USP39: variants seen among roughly 807,000 people sequenced by gnomAD.
USP39 encodes the protein ubiquitin carboxyl-terminal hydrolase 39.
USP39 carries 38 observed loss-of-function variants against 66.4 expected under a neutral mutation model. The ratio of observed to expected loss-of-function variants is 0.57; its 90% CI spans 0.44 to 0.75. The LOEUF (loss-of-function observed/expected upper bound fraction) is 0.75. Among genes scored for constraint, USP39 ranks in the 30% least tolerant of loss-of-function variants. The pLI is 0.00. For synonymous variants in USP39, 303 were observed against 274.6 expected (o/e 1.10, Z -1.02); for missense variants, 608 against 714.4 (o/e 0.85, Z 1.70).
At chr2:85,643,648 CTTT>C (rs34391423) in intron 10 of USP39, among the ~76,000 whole-genome samples, 76 of 139,374 alleles carry the variant, frequency 5.5e-4, no homozygotes, top group African/African-American at 7.8e-4. Flanking sequence ...CTCATATCTC[CTTT>C]TTTTTTTTTT....
intron 1 of USP39, among the ~76,000 whole-genome samples, chr2:85,617,260 C>T (rs1363762959): frequency 2.0e-5 from 3 of 152,100 alleles, no homozygotes; most frequent in Admixed American, 1.3e-4. Flanking sequence ...GGCTTTCCTT[C>T]AGTTTTTACA....
chr2:85,645,187 C>G, intron 11 of USP39, 104 bp downstream of exon 11: 1 of 1,495,626 alleles, frequency 6.7e-7, no homozygotes, highest in Admixed American at 2.0e-5. Context: ...TTGGCCTTGG[C>G]TTTGGGACTC....
intron 6 of USP39, among the ~76,000 whole-genome samples, chr2:85,632,221 G>A (rs1206923995): frequency 6.6e-6 from 1 of 152,108 alleles, no homozygotes; most frequent in African/African-American, 2.4e-5. Context: ...TAAGAAACAC[G>A]ATTTTTCTCT....
At chr2:85,613,577 G>T (rs1463428450), upstream of USP39, among the ~76,000 whole-genome samples, 2 of 152,210 alleles carry the variant, frequency 1.3e-5, no homozygotes, top group Non-Finnish European at 2.9e-5. Context: ...TCCAAAGGAA[G>T]ATCTGTAGCT....
At chr2:85,647,881 C>G (rs753437890) in intron 11 of USP39, 49 bp from the exon 12 acceptor site, 5 of 1,576,762 alleles carry the variant, frequency 3.2e-6, no homozygotes, top group Non-Finnish European at 3.5e-6. Context: ...CTTCTACACC[C>G]TTTTGGTTTT....
chr2:85,625,416 A>C, intron 4 of USP39, 123 bp from the exon 5 acceptor site: 1 of 1,300,158 alleles, frequency 7.7e-7, no homozygotes, highest in East Asian at 2.5e-5. Context: ...GGTTCGGACT[A>C]TTTTTCTGTG....
upstream of USP39, chr2:85,611,717 C>G: frequency 6.3e-7 from 1 of 1,598,792 alleles, no homozygotes; most frequent in Non-Finnish European, 8.5e-7. Flanking sequence ...GGGGCCGCGT[C>G]GGCGCGGGCG....
At chr2:85,628,080 G>A (rs1675007878) in intron 5 of USP39, among the ~76,000 whole-genome samples, 1 of 151,982 alleles carries the variant, frequency 6.6e-6, no homozygotes, top group African/African-American at 2.4e-5. Flanking sequence ...TCTCTGGAAA[G>A]GTCAAATTCT....
chr2:85,621,822 C>A (rs1307994506), intron 3 of USP39, among the ~76,000 whole-genome samples: 1 of 151,850 alleles, frequency 6.6e-6, no homozygotes, highest in Non-Finnish European at 1.5e-5. Flanking sequence ...GTTCTCGAAT[C>A]TCTAATATAT....
At chr2:85,632,739 C>T (rs1387668555) in intron 6 of USP39, among the ~76,000 whole-genome samples, 12 of 151,964 alleles carry the variant, frequency 7.9e-5, no homozygotes, top group East Asian at 1.9e-4. Flanking sequence ...TGAGCCACCA[C>T]GCCCGGCTCA....
intron 5 of USP39, among the ~76,000 whole-genome samples, chr2:85,628,397 G>A (rs1313212966): frequency 6.6e-6 from 1 of 151,952 alleles, no homozygotes; most frequent in Non-Finnish European, 1.5e-5. Flanking sequence ...TGCTCGCCTC[G>A]GCCTCCCAAA....
At chr2:85,630,059 C>T (rs1675203596) in intron 5 of USP39, among the ~76,000 whole-genome samples, 1 of 152,030 alleles carries the variant, frequency 6.6e-6, no homozygotes, top group African/African-American at 2.4e-5. Flanking sequence ...ATTTTGGTCA[C>T]CCATCACCCA....
upstream of USP39, among the ~76,000 whole-genome samples, chr2:85,612,993 C>T (rs1673670657): frequency 6.7e-6 from 1 of 149,824 alleles, no homozygotes; most frequent in South Asian, 2.1e-4. Flanking sequence ...TTTCTGACCA[C>T]TGGGTTCACG....
rs544121483 is a variant in USP39 at position 85,619,395 on chromosome 2, G to GTCTCTAGCACA, written c.338+106_338+107insTCTCTAGCACA. 1,321 of 1,181,664 alleles carry GTCTCTAGCACA rather than the reference G, an allele frequency of 1.1e-3. 22 individuals carry two copies. In the East Asian group the frequency reaches 0.03, roughly 27 times the overall value. The allele number at this position is 1,181,664 out of a possible 1,614,324, so 73.2% of individuals were successfully genotyped here. ...CACATTGACAAACTTTACTTTTTTT[G>GTCTCTAGCACA]AACCTGTCTAGAGAGTTGTGCTTCT... On this transcript the variant is annotated intron_variant, in intron 2 of 12. Transcript: ENST00000323701.
rs541428335 is a variant in USP39 at position 85,639,301 on chromosome 2, C to A, written c.1194C>A (p.Ala398=). Residue 398 remains alanine (A), a synonymous_variant, in exon 9 of 13, where the codon GCC becomes GCA. Coordinates refer to ENST00000323701, the MANE Select transcript of USP39 (RefSeq NM_006590.4). ...ACCTGACGCTGGACCTTCCTACTGC[C>A]CCCCTCTACAAGGACGAGAAGGAGC... The part of the protein sequence containing the change: ...FMYLTLDLPT[A]PLYKDEKEQL... 2 of 1,614,062 alleles carry A rather than the reference C, an allele frequency of 1.2e-6. No homozygotes were observed. Among genetic ancestry groups the A allele is most frequent in the East Asian group, 4.5e-5 (2 of 44,876 alleles).
At chr2:85,616,183 G>A (rs774061512), upstream of USP39, 2 of 1,426,468 alleles carry the variant, frequency 1.4e-6, no homozygotes, top group South Asian at 1.6e-5. Flanking sequence ...GGACGACTCG[G>A]CCGGTAGTGG....
At chr2:85,636,195 C>G in intron 7 of USP39, 65 bp downstream of exon 7, 1 of 1,482,024 alleles carries the variant, frequency 6.7e-7, no homozygotes, top group Non-Finnish European at 9.4e-7. Flanking sequence ...CGGTCGGTCG[C>G]AATGGCTCAT....
At chr2:85,637,253 C>G (rs150630350) in intron 7 of USP39, 116 bp from the exon 8 acceptor site, 80 of 1,048,104 alleles carry the variant, frequency 7.6e-5, no homozygotes, top group Non-Finnish European at 2.6e-5. Flanking sequence ...TTAGTGAGAG[C>G]TCTGTGTCTT....
intron 12 of USP39, 70 bp from the exon 13 acceptor site, chr2:85,648,691 A>G (rs558480448): frequency 2.9e-5 from 45 of 1,552,876 alleles, no homozygotes; most frequent in Non-Finnish European, 3.9e-5. Context: ...CTGGCACAGA[A>G]TAGGTATTTG....
Sources: allele counts gnomAD v4.1 joint callset (sites outside exome capture counted in the v4.1 genomes callset), GRCh38; gene constraint gnomAD v4.1.1; transcripts MANE v1.5; gene names NCBI Gene and HGNC (gene_info 2026-07-23, HGNC 2026-07-21).